Variants in AFAP1 observed in about 807,000 individuals in gnomAD.
AFAP1 encodes actin filament associated protein 1.
Under a neutral mutation model 93.9 loss-of-function variants are expected in AFAP1, and 75 were observed. The observed-to-expected ratio is 0.80, with a 90% CI of 0.66 to 0.97. AFAP1 has a LOEUF of 0.97. Ranked by LOEUF, AFAP1 falls within the 50% of genes least tolerant of loss-of-function variation. AFAP1 has a pLI of 0.00. For missense variants in AFAP1, 1,201 were observed against 1,050.8 expected, an observed-to-expected ratio of 1.14 and a Z score of -1.98; for synonymous variants, 517 against 430.7, an observed-to-expected ratio of 1.20 and a Z score of -2.48.
intron 17 of AFAP1, among the ~76,000 whole-genome samples, chr4:7,767,726 C>G (rs547697832): frequency 3.3e-5 from 5 of 152,266 alleles, no homozygotes; most frequent in African/African-American, 1.2e-4. Context: ...GGGCGGCACT[C>G]ATTCCCATCT....
intron 15 of AFAP1, chr4:7,774,450 G>A (rs1715874364): frequency 5.0e-6 from 2 of 396,668 alleles, no homozygotes; most frequent in African/African-American, 4.1e-5. Context: ...AATCTCTGTT[G>A]TCAGCGCCAG....
intron 9 of AFAP1, among the ~76,000 whole-genome samples, chr4:7,806,365 CCACAAACAAGGCCCT>C (rs1560170458): frequency 6.6e-6 from 1 of 152,198 alleles, no homozygotes; most frequent in Non-Finnish European, 1.5e-5. Context: ...TCCCCTGCCC[CCACAAACAAGGCCCT>C]CACAGCAGCT....
intron 17 of AFAP1, among the ~76,000 whole-genome samples, chr4:7,765,072 C>G (rs1456952104): frequency 6.6e-6 from 1 of 152,096 alleles, no homozygotes; most frequent in African/African-American, 2.4e-5. Context: ...CCACTGCACT[C>G]GAGCGTGGTC....
intron 6 of AFAP1, 32 bp downstream of exon 6, chr4:7,838,492 G>A: frequency 1.3e-6 from 2 of 1,584,350 alleles, no homozygotes; most frequent in Non-Finnish European, 1.7e-6. Flanking sequence ...ATGTGGAACT[G>A]AAATGGCTGT....
intron 3 of AFAP1, among the ~76,000 whole-genome samples, chr4:7,859,146 C>T (rs1001023663): frequency 3.9e-5 from 6 of 152,278 alleles, no homozygotes; most frequent in South Asian, 2.1e-4. Flanking sequence ...TTGGGTTGGG[C>T]GCGGTGGCTC....
intron 4 of AFAP1, among the ~76,000 whole-genome samples, chr4:7,854,801 G>A (rs188959320): frequency 6.8e-4 from 104 of 152,196 alleles, no homozygotes; most frequent in African/African-American, 2.4e-3. Flanking sequence ...GTAGCCCCCC[G>A]CCTGACAGAT....
chr4:7,775,223 G>A (rs1411363703), intron 14 of AFAP1: 1 of 230,818 alleles, frequency 4.3e-6, no homozygotes, highest in Non-Finnish European at 8.4e-6. Context: ...CAAACACAAA[G>A]CATTATTTTG....
intron 6 of AFAP1, among the ~76,000 whole-genome samples, chr4:7,827,569 CAAA>C (rs58075483): frequency 1.8e-3 from 93 of 52,244 alleles, no homozygotes; most frequent in Admixed American, 3.5e-3. Flanking sequence ...ACTCTGTCTC[CAAA>C]AAAAAAAAAA....
chr4:7,895,532 A>AC (rs1217184636), intron 1 of AFAP1, among the ~76,000 whole-genome samples: 2 of 152,082 alleles, frequency 1.3e-5, no homozygotes, highest in East Asian at 3.9e-4. Context: ...GCTATTCCCC[A>AC]CCCCAAAGAA....
chr4:7,781,250 G>A (rs925969821), intron 13 of AFAP1, 126 bp downstream of exon 13: 11 of 1,241,684 alleles, frequency 8.9e-6, no homozygotes, highest in Middle Eastern at 2.5e-4. Context: ...TTATATTCTA[G>A]TTGAGAAAAA....
intron 3 of AFAP1, 56 bp downstream of exon 3, chr4:7,868,566 G>GT (rs1716687504): frequency 6.6e-7 from 1 of 1,518,664 alleles, no homozygotes; most frequent in African/African-American, 1.4e-5. Flanking sequence ...CCTGGAGCCC[G>GT]TAAGTACCCC....
chr4:7,862,823 T>C (rs1347500117), intron 3 of AFAP1, among the ~76,000 whole-genome samples: 1 of 151,720 alleles, frequency 6.6e-6, no homozygotes, highest in Non-Finnish European at 1.5e-5. Context: ...CCAAAAGGAG[T>C]CTAGCTTGCC....
rs550061040 is a variant in AFAP1 at position 7,770,280 on chromosome 4, C to T, written c.2254-1272G>A. 2.0e-3 allele frequency among the ~76,000 whole-genome samples: 297 copies of T among 152,136 alleles called. 2 individuals carry two copies. The highest frequency in any genetic ancestry group is 6.8e-3 in the African/African-American group (282 of 41,512). On this transcript the variant is annotated intron_variant, in intron 16 of 17. Transcript: ENST00000420658. ...CTGGAGAAGGGGCCAGAGGGAAGCTCGAGCCATGGGGGTGGAAGAATGTGG... is the reference window on the plus strand; with the variant it reads ...CTGGAGAAGGGGCCAGAGGGAAGCTTGAGCCATGGGGGTGGAAGAATGTGG...
chr4:7,885,171 G>A (rs564836347), intron 1 of AFAP1, among the ~76,000 whole-genome samples: 199 of 152,214 alleles, frequency 1.3e-3, no homozygotes, highest in African/African-American at 4.4e-3. Context: ...TGACTTCTCC[G>A]GATCCTGTAT....
chr4:7,858,253 G>C (rs751222031), intron 3 of AFAP1, among the ~76,000 whole-genome samples: 1 of 152,186 alleles, frequency 6.6e-6, no homozygotes, highest in East Asian at 1.9e-4. Flanking sequence ...TTCACCAAAA[G>C]TGTTCATAGC....
At chr4:7,794,993 C>T (rs918590056) in intron 10 of AFAP1, among the ~76,000 whole-genome samples, 6 of 152,060 alleles carry the variant, frequency 3.9e-5, no homozygotes, top group Admixed American at 3.9e-4. Flanking sequence ...AAATTTATTG[C>T]TTATAAAAAT....
intron 10 of AFAP1, among the ~76,000 whole-genome samples, chr4:7,800,103 TTAGA>T (rs1170876170): frequency 6.6e-6 from 1 of 152,116 alleles, no homozygotes; most frequent in South Asian, 2.1e-4. Flanking sequence ...TCCAGGTGCT[TTAGA>T]AAAGCAATGT....
chr4:7,771,216 C>G (rs1357470016), intron 16 of AFAP1, among the ~76,000 whole-genome samples: 1 of 152,192 alleles, frequency 6.6e-6, no homozygotes, highest in African/African-American at 2.4e-5. Context: ...GTTTGTAGCA[C>G]ACAGAGGGAA....
At chr4:7,902,694 T>C (rs1719183297) in intron 1 of AFAP1, among the ~76,000 whole-genome samples, 1 of 152,190 alleles carries the variant, frequency 6.6e-6, no homozygotes, top group Non-Finnish European at 1.5e-5. Context: ...GGAGTACATA[T>C]TCTCCATTGC....
Sources: gnomAD v4.1 joint callset for allele counts (sites outside exome capture counted in the v4.1 genomes callset) on GRCh38, gnomAD v4.1.1 for gene constraint, MANE v1.5 for transcripts, NCBI Gene and HGNC (gene_info 2026-07-23, HGNC 2026-07-21) for gene names.